RMND5A: variants seen among roughly 807,000 people sequenced by gnomAD.
RMND5A encodes the protein required for meiotic nuclear division 5 homolog A.
Under a neutral mutation model 49.7 loss-of-function variants are expected in RMND5A, and 17 were observed. That is an observed-to-expected ratio of 0.34 (90% CI 0.23 to 0.51). RMND5A has a LOEUF of 0.51. RMND5A is among the 20% of genes least tolerant of loss of function. RMND5A has a pLI of 0.96. For synonymous variants in RMND5A, 156 were observed against 167.7 expected (o/e 0.93, Z 0.54); for missense variants, 255 against 471.3 (o/e 0.54, Z 4.25).
chr2:86,764,697 G>C (rs926335110), intron 4 of RMND5A, among the ~76,000 whole-genome samples: 4 of 152,210 alleles, frequency 2.6e-5, no homozygotes, highest in Non-Finnish European at 5.9e-5. Context: ...AAGAGCAGTG[G>C]ATCTAGGCAA....
At chr2:86,760,487 C>T (rs1672452209) in intron 4 of RMND5A, among the ~76,000 whole-genome samples, 10 of 152,224 alleles carry the variant, frequency 6.6e-5, no homozygotes, top group Admixed American at 5.9e-4. Context: ...TAACTGTGAG[C>T]AATTGTATAA....
At chr2:86,757,078 G>A (rs1166900237) in intron 4 of RMND5A, among the ~76,000 whole-genome samples, 2 of 151,588 alleles carry the variant, frequency 1.3e-5, no homozygotes, top group African/African-American at 4.9e-5. Context: ...GAAGGCTGAG[G>A]CAGGAGAATC....
At chr2:86,771,537 T>C (rs1573447903) in intron 7 of RMND5A, 21 bp from the exon 8 acceptor site, 1 of 19,310 alleles carries the variant, frequency 5.2e-5, no homozygotes, top group Admixed American at 8.0e-4. Flanking sequence ...GCTTTTTTAC[T>C]TTTTTTTTTT....
Position 86,728,830 on chromosome 2 carries a change from T to G in RMND5A, c.142+8021T>G, listed in dbSNP as rs1170885375. On this transcript the variant is annotated intron_variant, in intron 1 of 8. Transcript: ENST00000283632. ...GTGCAGTGGCATGATCTTGGCTCAC[T>G]GCAACCTCTGCCTCCCAAGTTCAAG... 9.4e-5 allele frequency among the ~76,000 whole-genome samples: 12 copies of G among 128,060 alleles called. No individual in the cohort carries two copies. In the East Asian group the frequency reaches 2.6e-3, roughly 28 times the overall value. 84.0% of individuals were successfully genotyped at this position (128,060 alleles called of 152,430 possible).
intron 4 of RMND5A, among the ~76,000 whole-genome samples, chr2:86,758,826 CA>C (rs1353014374): frequency 6.6e-6 from 1 of 152,170 alleles, no homozygotes; most frequent in African/African-American, 2.4e-5. Flanking sequence ...AGCAAAGTTA[CA>C]GAGTTCCTCA....
chr2:86,773,324 C>T, intron 8 of RMND5A, 24 bp from the exon 9 acceptor site: 3 of 1,484,596 alleles, frequency 2.0e-6, no homozygotes, highest in Non-Finnish European at 2.8e-6. Context: ...CTCCTTCACT[C>T]AGTGTTTTCT....
intron 8 of RMND5A, among the ~76,000 whole-genome samples, chr2:86,771,918 T>C (rs1288133034): frequency 1.3e-5 from 2 of 152,204 alleles, no homozygotes; most frequent in Non-Finnish European, 1.5e-5. Context: ...TATAAGCATG[T>C]CTTTAACTTA....
rs770150096 is a variant in RMND5A at position 86,720,715 on chromosome 2, C to T, written c.48C>T (p.His16=). 2.5e-6 allele frequency: 4 copies of T among 1,584,560 alleles called. No individual in the cohort carries two copies. The highest frequency in any genetic ancestry group is 3.5e-5 in the Admixed American group (2 of 56,920). ...AGCGCGAGCTGGAGAAGGTGCTGCACAAGTTCTCAGGCTACGGGCAGCTGT... is the reference window on the plus strand; with the variant it reads ...AGCGCGAGCTGGAGAAGGTGCTGCATAAGTTCTCAGGCTACGGGCAGCTGT... The part of the protein sequence containing the change: ...TVERELEKVL[H]KFSGYGQLCE... The change falls in exon 1 of 9, where the codon CAC becomes CAT. Residue 16 remains histidine (H), a synonymous_variant. Coordinates refer to ENST00000283632, the MANE Select transcript of RMND5A (RefSeq NM_022780.4).
At position 86,770,017 on chromosome 2, in the gene RMND5A, T is replaced by A; in HGVS notation, c.855-6T>A. The stretch of plus-strand genomic sequence containing the variant: ...GGCACTGACGTTTCCTCTTCTGCTC[T>A]CCCAGTTTCTCAGCAGGTTGTGTGG... On this transcript the variant is annotated splice_polypyrimidine_tract_variant and splice_region_variant and intron_variant, in intron 6 of 8. Transcript: ENST00000283632. 6.2e-7 allele frequency: 1 copy of A among 1,611,522 alleles called. No homozygotes were observed. Among genetic ancestry groups the A allele is most frequent in the Non-Finnish European group, 8.5e-7 (1 of 1,177,784 alleles).
intron 4 of RMND5A, among the ~76,000 whole-genome samples, chr2:86,760,663 TA>T (rs1672463649): frequency 6.6e-6 from 1 of 152,164 alleles, no homozygotes; most frequent in Admixed American, 6.5e-5. Context: ...CTCCCAGGGA[TA>T]AACCCACGTG....
intron 1 of RMND5A, among the ~76,000 whole-genome samples, chr2:86,728,313 CTTT>C (rs3051429): frequency 4.6e-4 from 28 of 60,360 alleles, no homozygotes; most frequent in Non-Finnish European, 6.0e-4. Context: ...GTTCTACAAT[CTTT>C]TTTTTTTTTT....
At chr2:86,762,892 C>T (rs958584369) in intron 4 of RMND5A, among the ~76,000 whole-genome samples, 1 of 151,234 alleles carries the variant, frequency 6.6e-6, no homozygotes, top group Non-Finnish European at 1.5e-5. Flanking sequence ...AAATACAAAA[C>T]AGCTGGGTGC....
intron 7 of RMND5A, among the ~76,000 whole-genome samples, chr2:86,770,695 C>T (rs1672672231): frequency 6.6e-6 from 1 of 152,226 alleles, no homozygotes; most frequent in South Asian, 2.1e-4. Context: ...GTGTATTCAT[C>T]TCTAAGACAA....
At chr2:86,766,678 A>AG (rs1454313963) in intron 6 of RMND5A, among the ~76,000 whole-genome samples, 4 of 151,280 alleles carry the variant, frequency 2.6e-5, no homozygotes, top group South Asian at 2.1e-4. Context: ...AAAAAAAAAA[A>AG]AAAAGAAAAG....
chr2:86,765,262 C>A, intron 5 of RMND5A, 69 bp downstream of exon 5: 2 of 1,322,180 alleles, frequency 1.5e-6, no homozygotes, highest in South Asian at 1.4e-5. Flanking sequence ...CTTAACAGTT[C>A]TTAACTAGAG....
rs542141704 is a variant in RMND5A at position 86,776,232 on chromosome 2, G to T, written c.*2821G>T. 6.6e-6 allele frequency: 1 copy of T among 152,290 alleles called. No homozygotes were observed. Among genetic ancestry groups the T allele is most frequent in the South Asian group, 2.1e-4 (1 of 4,822 alleles). The allele number at this position is 152,290 out of a possible 1,614,324, so 9.4% of individuals were successfully genotyped here. On this transcript the variant is annotated 3_prime_UTR_variant, in exon 9 of 9. Transcript: ENST00000283632. Reference sequence around the variant, plus strand: ...TGTCTCTTGATCTTTTTTCTCCGTTGTGTGATCACAGATGCTATTTCTGTT... The same window carrying T: ...TGTCTCTTGATCTTTTTTCTCCGTTTTGTGATCACAGATGCTATTTCTGTT...
chr2:86,736,226 C>T (rs1681399556), intron 1 of RMND5A, among the ~76,000 whole-genome samples: 1 of 77,524 alleles, frequency 1.3e-5, no homozygotes, highest in Non-Finnish European at 3.0e-5. Flanking sequence ...CTCTGTTGCC[C>T]AGGCTGGAGT....
rs968674219 is a variant in RMND5A, at chr2:86,776,611, G to A, written c.*3200G>A. 1.3e-5 allele frequency: 2 copies of A among 152,194 alleles called. No individual in the cohort carries two copies. Among genetic ancestry groups the A allele is most frequent in the African/African-American group, 4.8e-5 (2 of 41,456 alleles). The allele number at this position is 152,194 out of a possible 1,614,324, so 9.4% of individuals were successfully genotyped here. A position where few individuals can be genotyped will look rare whatever the true frequency, so the allele number is the denominator to read the frequency against. On this transcript the variant is annotated 3_prime_UTR_variant, in exon 9 of 9. Coordinates refer to ENST00000283632, the MANE Select transcript of RMND5A (RefSeq NM_022780.4). ...CTTTGGGACAGTGGATACTGCAACA[G>A]CCAAGAACTCTTGGTTATCCGCACA... is the stretch of plus-strand genomic sequence containing the variant.
In RMND5A at chr2:86,774,818, A is replaced by G. The variant is rs769609304; in HGVS notation, c.*1407A>G. ...TGTGGCACTTCACATTTTAAACTAC[A>G]GATGGACTTGGTTTGAGGGAGGGGG... On this transcript the variant is annotated 3_prime_UTR_variant, in exon 9 of 9. Coordinates refer to ENST00000283632, the MANE Select transcript of RMND5A (RefSeq NM_022780.4). 3 of 152,692 alleles carry G rather than the reference A, an allele frequency of 2.0e-5. No individual in the cohort carries two copies. The highest frequency in any genetic ancestry group is 2.9e-5 in the Non-Finnish European group (2 of 68,050). The allele number at this position is 152,692 out of a possible 1,614,324, so 9.5% of individuals were successfully genotyped here. A position where few individuals can be genotyped will look rare whatever the true frequency, so the allele number is the denominator to read the frequency against.
Sources: allele counts gnomAD v4.1 joint callset (sites outside exome capture counted in the v4.1 genomes callset), GRCh38; gene constraint gnomAD v4.1.1; transcripts MANE v1.5; gene names NCBI Gene and HGNC (gene_info 2026-07-23, HGNC 2026-07-21).